The following OPHN1 variants were observed in gnomAD, a reference collection of about 807,000 sequenced individuals.
OPHN1 encodes oligophrenin 1, also known as oligophrenin-1.
Under a neutral mutation model 60.7 loss-of-function variants are expected in OPHN1, and 11 were observed. The ratio of observed to expected loss-of-function variants is 0.18; its 90% CI spans 0.11 to 0.30. The LOEUF (loss-of-function observed/expected upper bound fraction) is 0.30, where lower values mean the gene tolerates loss of function less well. OPHN1 is among the 10% of genes least tolerant of loss of function. The probability of loss-of-function intolerance (pLI) is 1.00; values close to 1 mark genes in which losing one functional copy is unlikely to be tolerated. For synonymous variants in OPHN1, 226 were observed against 222.6 expected (o/e 1.02, Z -0.14); for missense variants, 449 against 611.0 (o/e 0.73, Z 2.80).
chrX:68,129,479 G>A (rs774902880), intron 15 of OPHN1, among the ~76,000 whole-genome samples: 60 of 112,039 alleles, frequency 5.4e-4, no homozygotes, highest in African/African-American at 1.7e-3. Flanking sequence ...TAGGATGAAA[G>A]TGGTTTGTGG....
intron 3 of OPHN1, among the ~76,000 whole-genome samples, chrX:68,298,207 G>A (rs749735093): frequency 6.3e-5 from 7 of 111,464 alleles, no homozygotes; most frequent in Admixed American, 3.8e-4. Flanking sequence ...AGAAGATAAC[G>A]ATTTTAGGCT....
At chrX:68,427,369 G>A (rs144347873) in intron 2 of OPHN1, among the ~76,000 whole-genome samples, 156 of 111,186 alleles carry the variant, frequency 1.4e-3, no homozygotes, top group African/African-American at 4.7e-3. Flanking sequence ...TTATGTAAGC[G>A]TAAAATAAGG....
intron 2 of OPHN1, among the ~76,000 whole-genome samples, chrX:68,396,666 T>A (rs1361954007): frequency 2.8e-5 from 3 of 108,905 alleles, no homozygotes; most frequent in African/African-American, 1.0e-4. Flanking sequence ...AATACAAAAA[T>A]TAGCCGGGCA....
intron 2 of OPHN1, among the ~76,000 whole-genome samples, chrX:68,381,110 A>C (rs1043487777): frequency 6.3e-5 from 7 of 111,540 alleles, no homozygotes; most frequent in African/African-American, 2.3e-4. Context: ...CTCACTTCTA[A>C]AGCTCTCCTT....
chrX:68,424,027 C>T (rs1054442925), intron 2 of OPHN1, among the ~76,000 whole-genome samples: 2 of 110,246 alleles, frequency 1.8e-5, no homozygotes, highest in East Asian at 2.9e-4. Flanking sequence ...ATTAGCCGGG[C>T]GTGGTGGCGG....
intron 19 of OPHN1, among the ~76,000 whole-genome samples, chrX:68,086,226 A>G (rs2076995149): frequency 9.3e-6 from 1 of 107,768 alleles, no homozygotes; most frequent in Admixed American, 9.9e-5. Flanking sequence ...TGGGAAACTC[A>G]TAGCATATGG....
intron 15 of OPHN1, among the ~76,000 whole-genome samples, chrX:68,119,768 G>A (rs1237056932): frequency 9.0e-6 from 1 of 111,274 alleles, no homozygotes; most frequent in Admixed American, 9.5e-5. Context: ...TCGGATTTGA[G>A]AGGTAAAAAC....
In OPHN1 at chrX:68,194,456, G is replaced by T. The variant is rs1191326435; in HGVS notation, c.1138+9C>A. ...TAATGCTAGTAGACCAAAAACTTAAGTGACTCACTTTCTTGCTGTTTTGTT... is the reference window on the plus strand; with the variant it reads ...TAATGCTAGTAGACCAAAAACTTAATTGACTCACTTTCTTGCTGTTTTGTT... On this transcript the variant is annotated intron_variant, in intron 13 of 24. Coordinates refer to ENST00000355520, the MANE Select transcript of OPHN1 (RefSeq NM_002547.3). 8.3e-7 allele frequency: 1 copy of T among 1,203,930 alleles called. No homozygotes were observed. The highest frequency in any genetic ancestry group is 1.1e-6 in the Non-Finnish European group (1 of 888,540).
chrX:68,244,172 G>A (rs186040779), intron 5 of OPHN1, among the ~76,000 whole-genome samples: 4 of 111,233 alleles, frequency 3.6e-5, no homozygotes, highest in African/African-American at 9.8e-5. Flanking sequence ...ACCTTTGTGC[G>A]CTTGCCATGA....
chrX:68,304,416 T>C, intron 2 of OPHN1, among the ~76,000 whole-genome samples: 2 of 111,312 alleles, frequency 1.8e-5, no homozygotes, highest in Middle Eastern at 9.2e-3. Flanking sequence ...TGGTGATTAA[T>C]GATATAAATG....
intron 19 of OPHN1, among the ~76,000 whole-genome samples, chrX:68,078,531 C>T (rs2076961950): frequency 9.0e-6 from 1 of 111,536 alleles, no homozygotes; most frequent in Non-Finnish European, 1.9e-5. Context: ...CGATTGAACC[C>T]AAGTGAGTGT....
intron 2 of OPHN1, among the ~76,000 whole-genome samples, chrX:68,350,071 C>CA (rs1326873556): frequency 9.0e-6 from 1 of 110,845 alleles, no homozygotes; most frequent in African/African-American, 3.3e-5. Context: ...TTAAAAAATA[C>CA]AAAAAAATCT....
chrX:68,130,441 G>A (rs2077189253), intron 15 of OPHN1, among the ~76,000 whole-genome samples: 1 of 111,212 alleles, frequency 9.0e-6, no homozygotes, highest in African/African-American at 3.3e-5. Context: ...AGTATGTAGT[G>A]GAATTAACTT....
chrX:68,294,118 T>C (rs2078082634), intron 3 of OPHN1, among the ~76,000 whole-genome samples: 1 of 110,982 alleles, frequency 9.0e-6, no homozygotes, highest in Non-Finnish European at 1.9e-5. Context: ...GTTTATGTCA[T>C]TTAGTGGACA....
chrX:68,268,669 G>T (rs1409278855), intron 5 of OPHN1, among the ~76,000 whole-genome samples: 1 of 111,380 alleles, frequency 9.0e-6, no homozygotes, highest in Non-Finnish European at 1.9e-5. Context: ...CATTCCCTTT[G>T]AAAACTGGCA....
At chrX:68,306,924 T>G (rs1317528413) in intron 2 of OPHN1, among the ~76,000 whole-genome samples, 2 of 110,750 alleles carry the variant, frequency 1.8e-5, no homozygotes, top group Non-Finnish European at 3.8e-5. Flanking sequence ...GACCCTTGCT[T>G]TGTTTCCCAG....
chrX:68,377,684 G>A (rs575703090), intron 2 of OPHN1, among the ~76,000 whole-genome samples: 11 of 108,852 alleles, frequency 1.0e-4, no homozygotes, highest in African/African-American at 2.3e-4. Context: ...TGCGGTGTGC[G>A]GTTTTCTGTT....
chrX:68,107,824 T>G lies in OPHN1; in HGVS notation c.1526+4030A>C, dbSNP rs147385884. Among the ~76,000 whole-genome samples, 159 of 112,167 alleles carry G rather than the reference T, an allele frequency of 1.4e-3. 2 individuals carry two copies. Among genetic ancestry groups the G allele is most frequent in the Non-Finnish European group, 1.7e-3 (92 of 53,244 alleles). On this transcript the variant is annotated intron_variant, in intron 18 of 24. Transcript: ENST00000355520. Reference sequence around the variant, plus strand: ...CTTTGATCAATTACTTAAGGTGGTGTCTGCCAGATAGGTTCATTGTAAAGA... The same window carrying G: ...CTTTGATCAATTACTTAAGGTGGTGGCTGCCAGATAGGTTCATTGTAAAGA...
In OPHN1 at chrX:68,146,335, C is replaced by A. The variant is rs151021781; in HGVS notation, c.1277-27003G>T. Among the ~76,000 whole-genome samples the A allele has an allele frequency of 2.0e-3, 222 of 111,553 alleles. 1 individual carries two copies. The highest frequency in any genetic ancestry group is 6.8e-3 in the African/African-American group (210 of 30,747). Reference sequence around the variant, plus strand: ...ATTCACTTGCCTGTCCTGTGGAGGCCTGTGATATCCACCAGTTTTCCTTTT... The same window carrying A: ...ATTCACTTGCCTGTCCTGTGGAGGCATGTGATATCCACCAGTTTTCCTTTT... On this transcript the variant is annotated intron_variant, in intron 15 of 24. Transcript: ENST00000355520.
Sources: allele counts gnomAD v4.1 joint callset (sites outside exome capture counted in the v4.1 genomes callset), GRCh38; gene constraint gnomAD v4.1.1; transcripts MANE v1.5; gene names NCBI Gene and HGNC (gene_info 2026-07-23, HGNC 2026-07-21).